PSMB7: variants seen among roughly 807,000 people sequenced by gnomAD.
The protein encoded by PSMB7 is proteasome subunit beta type-7.
A neutral mutation model predicts 28.1 loss-of-function variants in PSMB7; 5 were observed. That is an observed-to-expected ratio of 0.18 (90% confidence interval 0.09 to 0.37). The LOEUF is 0.37. PSMB7 is among the 10% of genes least tolerant of loss of function. PSMB7 has a pLI of 1.00. For synonymous variants in PSMB7, 122 were observed against 123.7 expected (o/e 0.99, Z 0.09); for missense variants, 275 against 346.2 (o/e 0.79, Z 1.63).
chr9:124,413,570 T>C (rs973207935), intron 3 of PSMB7, among the ~76,000 whole-genome samples: 1 of 151,818 alleles, frequency 6.6e-6, no homozygotes, highest in South Asian at 2.1e-4. Flanking sequence ...ACTGCAATAG[T>C]CCAGCTAAGA....
At chr9:124,395,182 T>TA (rs940253753) in intron 5 of PSMB7, among the ~76,000 whole-genome samples, 1 of 152,164 alleles carries the variant, frequency 6.6e-6, no homozygotes, top group Admixed American at 6.5e-5. Flanking sequence ...AAATGAATGT[T>TA]AGACTTAAGA....
intron 6 of PSMB7, among the ~76,000 whole-genome samples, chr9:124,383,050 T>C (rs1216940089): frequency 1.3e-5 from 2 of 152,212 alleles, no homozygotes; most frequent in Admixed American, 6.5e-5. Flanking sequence ...TCCTTGTACC[T>C]CTGTGAGTTC....
intron 2 of PSMB7, among the ~76,000 whole-genome samples, chr9:124,414,395 T>C (rs1831064105): frequency 6.6e-6 from 1 of 152,188 alleles, no homozygotes; most frequent in African/African-American, 2.4e-5. Context: ...AGGTAATCAT[T>C]ATCCCTTTTG....
At chr9:124,414,224 T>C (rs1258667302) in intron 2 of PSMB7, among the ~76,000 whole-genome samples, 1 of 152,192 alleles carries the variant, frequency 6.6e-6, no homozygotes, top group Non-Finnish European at 1.5e-5. Context: ...GTAAGAATTA[T>C]TCCCATTTTC....
chr9:124,356,731 G>T lies in PSMB7; in HGVS notation c.722+33C>A. 2 of 1,596,098 alleles carry T rather than the reference G, an allele frequency of 1.3e-6. No individual in the cohort carries two copies. Among genetic ancestry groups the T allele is most frequent in the Non-Finnish European group, 8.6e-7 (1 of 1,167,130 alleles). On this transcript the variant is annotated intron_variant, in intron 7 of 7. Transcript: ENST00000259457. The surrounding 1 kb of genome is among the most constrained non-coding windows in gnomAD (Gnocchi z 4.4). ...TACCAAGGGTGGCCACGACGCCAGG[G>T]GACCCAGGAAGAACTTCGTCTCCTT... is the stretch of plus-strand genomic sequence containing the variant.
chr9:124,378,381 GA>G (rs1011807878), intron 6 of PSMB7, among the ~76,000 whole-genome samples: 3 of 152,114 alleles, frequency 2.0e-5, no homozygotes, highest in Admixed American at 6.5e-5. Context: ...AGAGAGGGGG[GA>G]AAAAAGCTGA....
chr9:124,365,281 G>T (rs758323501), intron 6 of PSMB7, among the ~76,000 whole-genome samples: 8 of 152,338 alleles, frequency 5.3e-5, no homozygotes, highest in African/African-American at 9.6e-5. Context: ...GCTAGCTAGA[G>T]ACAGGCCTGA....
At chr9:124,393,298 C>CCGG (rs1186085683) in intron 5 of PSMB7, among the ~76,000 whole-genome samples, 3 of 152,156 alleles carry the variant, frequency 2.0e-5, no homozygotes, top group Non-Finnish European at 2.9e-5. Context: ...CAAAAGCTTC[C>CCGG]CGGCGAGGCA....
chr9:124,376,403 T>G (rs1830609511), intron 6 of PSMB7, among the ~76,000 whole-genome samples: 1 of 152,114 alleles, frequency 6.6e-6, no homozygotes, highest in South Asian at 2.1e-4. Flanking sequence ...AAAAAAAATC[T>G]AGAATTAAAA....
intron 6 of PSMB7, among the ~76,000 whole-genome samples, chr9:124,382,200 CTTTT>C (rs1164339420): frequency 8.9e-5 from 5 of 55,976 alleles, no homozygotes; most frequent in East Asian, 8.2e-4. Context: ...TCTCTTTTCT[CTTTT>C]TTTTTTTTTT....
intron 6 of PSMB7, among the ~76,000 whole-genome samples, chr9:124,375,463 C>CTAGCA (rs1830600837): frequency 6.6e-6 from 1 of 152,158 alleles, no homozygotes; most frequent in Admixed American, 6.5e-5. Flanking sequence ...GGCGCCTGGC[C>CTAGCA]TAGCATAAAT....
chr9:124,373,117 G>A (rs1057445945), intron 6 of PSMB7, among the ~76,000 whole-genome samples: 3 of 152,146 alleles, frequency 2.0e-5, no homozygotes, highest in Non-Finnish European at 4.4e-5. Context: ...GGTGCTGGTG[G>A]GAACCTTTCA....
chr9:124,356,640 T>G lies in PSMB7; in HGVS notation c.722+124A>C. 1 of 1,172,168 alleles carries G rather than the reference T, an allele frequency of 8.5e-7. No homozygotes were observed. Among genetic ancestry groups the G allele is most frequent in the Non-Finnish European group, 1.2e-6 (1 of 834,102 alleles). The allele number at this position is 1,172,168 out of a possible 1,614,324, so 72.6% of individuals were successfully genotyped here. A position where few individuals can be genotyped will look rare whatever the true frequency, so the allele number is the denominator to read the frequency against. On this transcript the variant is annotated intron_variant, in intron 7 of 7. Transcript: ENST00000259457. The surrounding 1 kb of genome is among the most constrained non-coding windows in gnomAD (Gnocchi z 4.4). ...GCCGAAGGTCTGTGTGGGAGGTTGA[T>G]TTGGGAACACTGGATGTACTTAATG...
chr9:124,376,008 G>A (rs906741232), intron 6 of PSMB7, among the ~76,000 whole-genome samples: 1 of 152,150 alleles, frequency 6.6e-6, no homozygotes, highest in African/African-American at 2.4e-5. Context: ...TTCATATGCC[G>A]CTTGTCAGGG....
chr9:124,382,200 CTTT>C (rs1164339420), intron 6 of PSMB7, among the ~76,000 whole-genome samples: 55 of 55,968 alleles, frequency 9.8e-4, no homozygotes, highest in African/African-American at 2.7e-3. Flanking sequence ...TCTCTTTTCT[CTTT>C]TTTTTTTTTT....
At chr9:124,391,809 T>G (rs997258564) in intron 5 of PSMB7, among the ~76,000 whole-genome samples, 1 of 151,838 alleles carries the variant, frequency 6.6e-6, no homozygotes, top group Non-Finnish European at 1.5e-5. Context: ...GATATTGCTT[T>G]TACTTGTTCT....
intron 4 of PSMB7, among the ~76,000 whole-genome samples, chr9:124,408,218 A>AT (rs1194830673): frequency 6.6e-6 from 1 of 152,086 alleles, no homozygotes; most frequent in Middle Eastern, 3.2e-3. Context: ...ACCATGCTGC[A>AT]TTTTCTCCTG....
intron 6 of PSMB7, among the ~76,000 whole-genome samples, chr9:124,372,584 C>G (rs1564677970): frequency 6.6e-6 from 1 of 152,204 alleles, no homozygotes; most frequent in Non-Finnish European, 1.5e-5. Flanking sequence ...TTCCTTCCAT[C>G]TAACCCCCTT....
At chr9:124,413,377 G>A (rs1831050224) in intron 3 of PSMB7, among the ~76,000 whole-genome samples, 1 of 151,808 alleles carries the variant, frequency 6.6e-6, no homozygotes, top group Non-Finnish European at 1.5e-5. Context: ...TGAAGGGTAG[G>A]CTTTCTATGA....
Sources: gnomAD v4.1 joint callset for allele counts (sites outside exome capture counted in the v4.1 genomes callset) on GRCh38, gnomAD v4.1.1 for gene constraint, Gnocchi (gnomAD v3.1) non-coding constraint, MANE v1.5 for transcripts, NCBI Gene and HGNC (gene_info 2026-07-23, HGNC 2026-07-21) for gene names.